TMEM232: variants seen among roughly 807,000 people sequenced by gnomAD.
The protein encoded by TMEM232 is transmembrane protein 232.
A neutral mutation model predicts 78.8 loss-of-function variants in TMEM232; 80 were observed. The observed-to-expected ratio is 1.01, with a 90% CI of 0.85 to 1.22. The LOEUF is 1.22. Among genes scored for constraint, TMEM232 ranks in the 50% most tolerant of loss-of-function variants. TMEM232 has a pLI of 0.00. For missense variants in TMEM232, 881 were observed against 742.2 expected (o/e 1.19, Z -2.17); for synonymous variants, 297 against 254.3 (o/e 1.17, Z -1.60).
At chr5:110,556,526 C>T (rs945839840) in intron 11 of TMEM232, among the ~76,000 whole-genome samples, 12 of 151,850 alleles carry the variant, frequency 7.9e-5, no homozygotes, top group Admixed American at 2.6e-4. Context: ...TAGTTCAGAC[C>T]ACAGGCATGC....
At chr5:110,630,513 C>T (rs1784982944) in intron 5 of TMEM232, among the ~76,000 whole-genome samples, 1 of 152,134 alleles carries the variant, frequency 6.6e-6, no homozygotes, top group African/African-American at 2.4e-5. Flanking sequence ...CTCCCTTGCA[C>T]TTCTTGTGAT....
chr5:110,721,274 T>A (rs1284373202), intron 1 of TMEM232, among the ~76,000 whole-genome samples: 1 of 152,054 alleles, frequency 6.6e-6, no homozygotes, highest in Non-Finnish European at 1.5e-5. Context: ...GTGACACCAA[T>A]AAAATGTAGC....
rs560706188 is a variant in TMEM232, at chr5:110,633,421, C to A, written c.501+4777G>T. On this transcript the variant is annotated intron_variant, in intron 5 of 13. Transcript: ENST00000455884. ...GAAAAGAAGACAAGAATACACAAAA[C>A]AACCATGATATGGTTTGGCTCTGTG... 4.6e-5 allele frequency among the ~76,000 whole-genome samples: 7 copies of A among 152,234 alleles called. No homozygotes were observed. In the South Asian group the frequency reaches 1.4e-3, roughly 32 times the overall value.
chr5:110,678,163 C>G (rs1792273333), intron 1 of TMEM232, among the ~76,000 whole-genome samples: 1 of 152,128 alleles, frequency 6.6e-6, no homozygotes, highest in Admixed American at 6.6e-5. Context: ...CTCCCAGGTT[C>G]AAGCAATTCT....
chr5:110,649,162 G>A (rs1257299839), intron 2 of TMEM232, among the ~76,000 whole-genome samples: 1 of 151,884 alleles, frequency 6.6e-6, no homozygotes, highest in Non-Finnish European at 1.5e-5. Flanking sequence ...CAAACATATA[G>A]AATATACACT....
intron 12 of TMEM232, among the ~76,000 whole-genome samples, chr5:110,515,163 A>G (rs760664314): frequency 6.6e-6 from 1 of 152,236 alleles, no homozygotes; most frequent in African/African-American, 2.4e-5. Flanking sequence ...GGAAATAATC[A>G]TAACTCCATC....
chr5:110,670,266 T>A (rs891147853), intron 1 of TMEM232, among the ~76,000 whole-genome samples: 1 of 152,208 alleles, frequency 6.6e-6, no homozygotes, highest in African/African-American at 2.4e-5. Flanking sequence ...CTTAAGCTGA[T>A]AAGTAACTTC....
intron 1 of TMEM232, among the ~76,000 whole-genome samples, chr5:110,689,665 C>T (rs1489311228): frequency 6.6e-6 from 1 of 152,068 alleles, no homozygotes; most frequent in African/African-American, 2.4e-5. Flanking sequence ...AAAAAAAGGG[C>T]CCATATAGCC....
At position 110,391,565 on chromosome 5, in the gene TMEM232, CT is replaced by C. The variant is rs1470698832; in HGVS notation, n.391-926del. 9.2e-5 allele frequency among the ~76,000 whole-genome samples: 14 copies of C among 151,884 alleles called. No homozygotes were observed. In the South Asian group the frequency reaches 1.2e-3, roughly 14 times the overall value. On this transcript the variant is annotated intron_variant and non_coding_transcript_variant, in intron 3 of 8. Coordinates refer to the TMEM232 transcript ENST00000507188. The stretch of plus-strand genomic sequence containing the variant: ...TTAATTGGACAGGAAATATAGCATG[CT>C]GAAGTAAGATTGGATCATAGGTTAA...
chr5:110,604,309 T>C (rs1224685250), intron 10 of TMEM232, among the ~76,000 whole-genome samples: 2 of 152,168 alleles, frequency 1.3e-5, no homozygotes, highest in Non-Finnish European at 2.9e-5. Flanking sequence ...AATGTTTTAT[T>C]CTATTATCTC....
intron 11 of TMEM232, among the ~76,000 whole-genome samples, chr5:110,555,121 T>A (rs1396373447): frequency 6.6e-6 from 1 of 152,170 alleles, no homozygotes. Flanking sequence ...TAATTTGAGA[T>A]CTTTTAAACA....
chr5:110,678,544 A>G (rs933413070), intron 1 of TMEM232, among the ~76,000 whole-genome samples: 2 of 152,204 alleles, frequency 1.3e-5, no homozygotes, highest in South Asian at 2.1e-4. Flanking sequence ...CCCAAAGTCC[A>G]TAGTTTACAT....
chr5:110,432,849 T>C (rs1236241333), intron 12 of TMEM232, among the ~76,000 whole-genome samples: 3 of 151,608 alleles, frequency 2.0e-5, no homozygotes, highest in Non-Finnish European at 3.0e-5. Context: ...TTAAATCAGA[T>C]AAAATTAACT....
rs376213577 is a variant in TMEM232 at position 110,709,713 on chromosome 5, A to T, written c.-13+16914T>A. On this transcript the variant is annotated intron_variant, in intron 1 of 13. Transcript: ENST00000455884. ...GTTAATGGAAACACAACATACCAAA[A>T]TCTATGGGATATAATGAGAGCAGTA... Among the ~76,000 whole-genome samples, 11 of 152,214 alleles carry T rather than the reference A, an allele frequency of 7.2e-5. 1 individual carries two copies. The highest frequency in any genetic ancestry group is 3.9e-4 in the East Asian group (2 of 5,186).
intron 10 of TMEM232, among the ~76,000 whole-genome samples, chr5:110,585,825 T>C (rs892151418): frequency 2.0e-5 from 3 of 152,084 alleles, no homozygotes; most frequent in African/African-American, 7.2e-5. Context: ...TTTCCTGACA[T>C]GTCCAGTTCC....
At chr5:110,555,852 C>T (rs1371552085) in intron 11 of TMEM232, among the ~76,000 whole-genome samples, 1 of 152,076 alleles carries the variant, frequency 6.6e-6, no homozygotes, top group Non-Finnish European at 1.5e-5. Context: ...CTTCATAGGC[C>T]TTCCTCCATC....
downstream of TMEM232, among the ~76,000 whole-genome samples, chr5:110,415,477 G>A (rs1756168004): frequency 6.6e-6 from 1 of 151,132 alleles, no homozygotes; most frequent in South Asian, 2.1e-4. Flanking sequence ...CTGAGCCACC[G>A]TGCCCGACCC....
intron 11 of TMEM232, among the ~76,000 whole-genome samples, chr5:110,530,302 T>C (rs186431804): frequency 1.3e-5 from 2 of 152,136 alleles, no homozygotes; most frequent in Admixed American, 1.3e-4. Context: ...AAGAATAACA[T>C]GGAAAAAAAC....
At position 110,568,475 on chromosome 5, in the gene TMEM232, C is replaced by T. The variant is rs752333743; in HGVS notation, c.1427G>A (p.Arg476Gln). 2.1e-4 allele frequency: 328 copies of T among 1,547,332 alleles called. No homozygotes were observed. The highest frequency in any genetic ancestry group is 2.4e-4 in the Non-Finnish European group (278 of 1,145,014). The change falls in exon 11 of 14, where the codon CGA becomes CAA. Residue 476 changes from arginine to glutamine, a missense_variant. Coordinates refer to ENST00000455884, the MANE Select transcript of TMEM232 (RefSeq NM_001039763.4). ...QKTKDYEEDV[R>Q]IQNAINIAQA... is the part of the protein sequence containing the mutation. ...AGCTATATTGATTGCATTTTGGATTCGTACATCTTCCTCATAATCCTTTGT... is the reference window on the plus strand; with the variant it reads ...AGCTATATTGATTGCATTTTGGATTTGTACATCTTCCTCATAATCCTTTGT...
Sources: gnomAD v4.1 joint callset for allele counts (sites outside exome capture counted in the v4.1 genomes callset) on GRCh38, gnomAD v4.1.1 for gene constraint, MANE v1.5 for transcripts, NCBI Gene and HGNC (gene_info 2026-07-23, HGNC 2026-07-21) for gene names.